The following KCNMB2 variants were observed in gnomAD, a reference collection of about 807,000 sequenced individuals.
KCNMB2 encodes the protein potassium calcium-activated channel subfamily M regulatory beta subunit 2.
In KCNMB2, 9 loss-of-function variants were observed where a neutral mutation model predicts 24.5. The ratio of observed to expected loss-of-function variants is 0.37; its 90% CI spans 0.22 to 0.64. The LOEUF (loss-of-function observed/expected upper bound fraction) is 0.64. Ranked by LOEUF, KCNMB2 falls within the 30% of genes least tolerant of loss-of-function variation. The probability of loss-of-function intolerance (pLI) is 0.63; values close to 1 mark genes in which losing one functional copy is unlikely to be tolerated. For synonymous variants in KCNMB2, 109 were observed against 104.4 expected, an observed-to-expected ratio of 1.04 and a Z score of -0.27; for missense variants, 226 against 284.3, an observed-to-expected ratio of 0.79 and a Z score of 1.47.
intron 2 of KCNMB2, among the ~76,000 whole-genome samples, chr3:178,807,789 A>G (rs1188262433): frequency 6.6e-6 from 1 of 152,160 alleles, no homozygotes; most frequent in Non-Finnish European, 1.5e-5. Context: ...CAAACAGACT[A>G]TGTTGTTGAA....
intron 1 of KCNMB2, among the ~76,000 whole-genome samples, chr3:178,796,497 A>C (rs1217847178): frequency 1.3e-5 from 2 of 152,094 alleles, no homozygotes. Flanking sequence ...ATAAACCATA[A>C]GTTATGCCAC....
chr3:178,763,102 A>G (rs1375227540), intron 1 of KCNMB2, among the ~76,000 whole-genome samples: 1 of 152,208 alleles, frequency 6.6e-6, no homozygotes, highest in Non-Finnish European at 1.5e-5. Context: ...TTGTGGTGGA[A>G]AAGGCAAGCT....
chr3:178,790,356 G>C (rs1004824775), intron 1 of KCNMB2, among the ~76,000 whole-genome samples: 10 of 152,080 alleles, frequency 6.6e-5, no homozygotes, highest in African/African-American at 1.7e-4. Flanking sequence ...CCCATAGAGA[G>C]AGACTTCTTC....
chr3:178,743,475 A>T (rs1420288399), intron 1 of KCNMB2, among the ~76,000 whole-genome samples: 1 of 152,192 alleles, frequency 6.6e-6, no homozygotes, highest in East Asian at 1.9e-4. Flanking sequence ...AGAAAAAGCA[A>T]GCATATACTC....
At position 178,739,729 on chromosome 3, in the gene KCNMB2, G is replaced by A. The variant is rs772857037; in HGVS notation, c.-67-67614G>A. The stretch of plus-strand genomic sequence containing the variant: ...ATAAAAAGAGGTCACAATCTCTAAC[G>A]CTTACTGGGGCAGGCAGGTAACATA... On this transcript the variant is annotated intron_variant, in intron 1 of 4. Transcript: ENST00000452583. Among the ~76,000 whole-genome samples the A allele has an allele frequency of 3.9e-5, 6 of 152,118 alleles. No homozygotes were observed. In the East Asian group the frequency reaches 5.8e-4, roughly 15 times the overall value.
At chr3:178,688,645 A>C (rs541884425) in intron 1 of KCNMB2, among the ~76,000 whole-genome samples, 1 of 152,342 alleles carries the variant, frequency 6.6e-6, no homozygotes, top group African/African-American at 2.4e-5. Context: ...TGAAAGGACA[A>C]GCAAACAAAA....
chr3:178,688,841 T>C (rs1045785429), intron 1 of KCNMB2, among the ~76,000 whole-genome samples: 6 of 152,182 alleles, frequency 3.9e-5, no homozygotes, highest in Non-Finnish European at 5.9e-5. Context: ...CTAAAGGTGG[T>C]AAACGTTCTC....
At chr3:178,803,143 G>T (rs928708297) in intron 1 of KCNMB2, among the ~76,000 whole-genome samples, 1 of 152,140 alleles carries the variant, frequency 6.6e-6, no homozygotes. Flanking sequence ...TACAGCTGAG[G>T]AAACAAAAAC....
At chr3:178,760,126 A>C (rs1230066058) in intron 1 of KCNMB2, among the ~76,000 whole-genome samples, 1 of 34,740 alleles carries the variant, frequency 2.9e-5, no homozygotes, top group South Asian at 9.5e-4. Context: ...GGATATATCT[A>C]TATATATATA....
chr3:178,805,139 A>AG (rs1181021603), intron 1 of KCNMB2, among the ~76,000 whole-genome samples: 1 of 152,188 alleles, frequency 6.6e-6, no homozygotes, highest in Non-Finnish European at 1.5e-5. Context: ...TCCTAGAACA[A>AG]GAGTAGATGT....
intron 1 of KCNMB2, among the ~76,000 whole-genome samples, chr3:178,549,474 CTTTTTTT>C (rs1237618463): frequency 3.7e-4 from 35 of 94,598 alleles, no homozygotes; most frequent in Middle Eastern, 8.9e-3. Context: ...CAATGCCCAG[CTTTTTTT>C]TTTTTTTTTT....
At chr3:178,744,103 C>T (rs933265458) in intron 1 of KCNMB2, among the ~76,000 whole-genome samples, 12 of 152,130 alleles carry the variant, frequency 7.9e-5, no homozygotes, top group Admixed American at 1.3e-4. Context: ...ACTGTGAGCT[C>T]TTTGAAATGT....
intron 1 of KCNMB2, among the ~76,000 whole-genome samples, chr3:178,568,845 AT>A (rs1331251402): frequency 1.6e-5 from 2 of 125,452 alleles, no homozygotes; most frequent in African/African-American, 3.3e-5. Context: ...AGATAGATAG[AT>A]AGATAGATGA....
chr3:178,701,791 G>C (rs1722106769), intron 1 of KCNMB2, among the ~76,000 whole-genome samples: 1 of 152,180 alleles, frequency 6.6e-6, no homozygotes, highest in Non-Finnish European at 1.5e-5. Flanking sequence ...AGGATGTGGA[G>C]AAATAGGAAC....
At chr3:178,831,107 T>TTTTG (rs60732270) in intron 4 of KCNMB2, among the ~76,000 whole-genome samples, 97,336 of 151,422 alleles carry the variant, frequency 0.64, 33,106 homozygotes, top group African/African-American at 0.87. Flanking sequence ...CAAGTTTCTT[T>TTTTG]TTTGTTTGTT....
rs73044297 is a variant in KCNMB2 at position 178,683,158 on chromosome 3, C to T, written c.-67-124185C>T. On this transcript the variant is annotated intron_variant, in intron 1 of 4. Transcript: ENST00000452583. ...ACGCAACCATAAAAAAGAATGAAAT[C>T]GTGTTCTTTGCAGCAACATGAATGC... is the stretch of plus-strand genomic sequence containing the variant. Among the ~76,000 whole-genome samples, 259 of 152,212 alleles carry T rather than the reference C, an allele frequency of 1.7e-3. 1 individual carries two copies. The highest frequency in any genetic ancestry group is 5.8e-3 in the African/African-American group (242 of 41,538).
chr3:178,632,280 C>T (rs1444675776), intron 1 of KCNMB2, among the ~76,000 whole-genome samples: 1 of 152,166 alleles, frequency 6.6e-6, no homozygotes, highest in Non-Finnish European at 1.5e-5. Context: ...ACACAGTATG[C>T]TCTCTATCCC....
intron 1 of KCNMB2, among the ~76,000 whole-genome samples, chr3:178,540,117 A>G (rs1036846646): frequency 3.9e-5 from 6 of 152,180 alleles, no homozygotes; most frequent in African/African-American, 1.4e-4. Flanking sequence ...TCCTCCTTCT[A>G]TATTTTTCTC....
chr3:178,826,882 C>A (rs918882538), intron 3 of KCNMB2, among the ~76,000 whole-genome samples: 1 of 152,178 alleles, frequency 6.6e-6, no homozygotes, highest in African/African-American at 2.4e-5. Flanking sequence ...ATGCCTCAGG[C>A]CCCAAGTGGT....
Sources: gnomAD v4.1 joint callset for allele counts (sites outside exome capture counted in the v4.1 genomes callset) on GRCh38, gnomAD v4.1.1 for gene constraint, MANE v1.5 for transcripts, NCBI Gene and HGNC (gene_info 2026-07-23, HGNC 2026-07-21) for gene names.